The following ESPNL variants were observed in gnomAD, a reference collection of about 807,000 sequenced individuals.
ESPNL encodes the protein espin like, also known as espin-like protein.
A neutral mutation model predicts 46.8 loss-of-function variants in ESPNL; 49 were observed. The ratio of observed to expected loss-of-function variants is 1.05; its 90% confidence interval spans 0.83 to 1.33. The LOEUF (loss-of-function observed/expected upper bound fraction) is 1.33. Ranked by LOEUF, ESPNL falls within the 40% of genes most tolerant of loss-of-function variation. The pLI is 0.00. For synonymous variants in ESPNL, 664 were observed against 662.1 expected (o/e 1.00, Z -0.04); for missense variants, 1,540 against 1,436.6 (o/e 1.07, Z -1.16).
chr2:238,124,723 A>ATG (rs1230560946), intron 5 of ESPNL, among the ~76,000 whole-genome samples: 3 of 106,876 alleles, frequency 2.8e-5, no homozygotes, highest in African/African-American at 1.1e-4. Flanking sequence ...GAGTACGTGC[A>ATG]TGTGTGCAGG....
intron 5 of ESPNL, among the ~76,000 whole-genome samples, chr2:238,122,991 C>T (rs988447289): frequency 4.6e-5 from 7 of 152,246 alleles, no homozygotes; most frequent in Admixed American, 6.5e-5. Context: ...GGGTCCAAGA[C>T]GGAGGACCTT....
At chr2:238,120,793 C>T (rs1048824932) in intron 5 of ESPNL, among the ~76,000 whole-genome samples, 6 of 152,252 alleles carry the variant, frequency 3.9e-5, no homozygotes, top group Admixed American at 2.6e-4. Flanking sequence ...AGGCTGTCAG[C>T]TGTGGGCTGG....
At chr2:238,111,673 C>T (rs1691720783) in intron 4 of ESPNL, among the ~76,000 whole-genome samples, 1 of 152,218 alleles carries the variant, frequency 6.6e-6, no homozygotes, top group African/African-American at 2.4e-5. Context: ...TTTTCTTTCT[C>T]TAGTCATCTG....
intron 5 of ESPNL, among the ~76,000 whole-genome samples, chr2:238,117,571 C>T (rs1691844720): frequency 6.6e-6 from 1 of 152,240 alleles, no homozygotes; most frequent in South Asian, 2.1e-4. Context: ...AACAGCCCTG[C>T]AGCAGCCGGA....
At position 238,128,860 on chromosome 2, in the gene ESPNL, A is replaced by T; in HGVS notation, c.1369A>T (p.Lys457Ter). 6.5e-7 allele frequency: 1 copy of T among 1,547,412 alleles called. No individual in the cohort carries two copies. The highest frequency in any genetic ancestry group is 1.2e-5 in the South Asian group (1 of 83,994). ...PEWKRQVMVRKLQARLGAESS... is the reference protein window; with the variant it reads ...PEWKRQVMVR ...GTGGAAGCGGCAGGTGATGGTGCGGAAGCTGCAGGCGCGCCTGGGCGCAGA... is the reference window on the plus strand; with the variant it reads ...GTGGAAGCGGCAGGTGATGGTGCGGTAGCTGCAGGCGCGCCTGGGCGCAGA... The change falls in exon 8 of 9, where the codon AAG (lysine) becomes TAG (stop). Residue 457 changes from lysine (K) to a stop codon, truncating the protein, a stop_gained. Transcript: ENST00000343063. LOFTEE classifies it low-confidence loss of function (END_TRUNC).
chr2:238,105,122 T>C (rs907022422), intron 3 of ESPNL, among the ~76,000 whole-genome samples: 2 of 152,124 alleles, frequency 1.3e-5, no homozygotes, highest in Non-Finnish European at 2.9e-5. Context: ...CTGGTAGGCC[T>C]CCCAGGTGCT....
At position 238,114,534 on chromosome 2, in the gene ESPNL, C is replaced by A. The variant is rs561893554; in HGVS notation, c.856-2369C>A. ...GCTTCAGCGACCTGCCCCAGCCTCC[C>A]CAGCCCCGGTGTCCTTGCACATCTG... On this transcript the variant is annotated intron_variant, in intron 4 of 8. Transcript: ENST00000343063. The surrounding 1 kb of genome is among the most constrained non-coding windows in gnomAD (Gnocchi z 5.0). 2.0e-5 allele frequency among the ~76,000 whole-genome samples: 3 copies of A among 152,306 alleles called. No homozygotes were observed. Among genetic ancestry groups the A allele is most frequent in the African/African-American group, 7.2e-5 (3 of 41,580 alleles).
chr2:238,101,653 C>T (rs750022802), intron 1 of ESPNL, among the ~76,000 whole-genome samples: 2 of 152,200 alleles, frequency 1.3e-5, no homozygotes, highest in East Asian at 1.9e-4. Context: ...CACCCGACTG[C>T]GTGGGAAAGG....
chr2:238,126,895 G>A (rs1246279019), intron 6 of ESPNL, among the ~76,000 whole-genome samples: 3 of 137,690 alleles, frequency 2.2e-5, no homozygotes, highest in Non-Finnish European at 3.1e-5. Flanking sequence ...CTGTGTGATT[G>A]TGTGATTGTG....
chr2:238,110,854 T>A (rs1235899805), intron 4 of ESPNL, among the ~76,000 whole-genome samples: 3 of 152,154 alleles, frequency 2.0e-5, no homozygotes, highest in Non-Finnish European at 2.9e-5. Flanking sequence ...AAAAATAAAA[T>A]GTCAAAACAA....
intron 8 of ESPNL, chr2:238,129,194 C>G (rs919005301): frequency 7.4e-7 from 1 of 1,346,250 alleles, no homozygotes; most frequent in Non-Finnish European, 9.5e-7. Context: ...CCTTCCTGGG[C>G]GCAGCGTCTA....
chr2:238,105,512 CAAA>C (rs58809990), intron 3 of ESPNL, among the ~76,000 whole-genome samples: 102 of 97,960 alleles, frequency 1.0e-3, no homozygotes, highest in African/African-American at 3.0e-3. Flanking sequence ...GACTCTGTCT[CAAA>C]AAAAAAAAAA....
chr2:238,109,306 C>G (rs1691667409), intron 4 of ESPNL, among the ~76,000 whole-genome samples: 1 of 152,222 alleles, frequency 6.6e-6, no homozygotes, highest in African/African-American at 2.4e-5. Flanking sequence ...CAGCTGACTC[C>G]TCTGGCTCCT....
chr2:238,130,803 G>T lies in ESPNL; in HGVS notation c.2089G>T (p.Gly697Cys), dbSNP rs1486347183. The T allele has an allele frequency of 6.5e-7, 1 of 1,544,302 alleles. No homozygotes were observed. Among genetic ancestry groups the T allele is most frequent in the Admixed American group, 1.9e-5 (1 of 51,500 alleles). ...CWPALPKPRS[G>C]LASGEPRPGD... ...GCCAGCCCTGCCTAAGCCCCGCAGT[G>T]GCCTGGCTTCAGGGGAGCCCAGGCC... The change falls in exon 9 of 9, where the codon GGC becomes TGC. Residue 697 changes from glycine (G) to cysteine (C), a missense_variant. Physicochemically the swap from Gly to Cys is radical, Grantham distance 159. Coordinates refer to ENST00000343063, the MANE Select transcript of ESPNL (RefSeq NM_194312.4).
At chr2:238,100,919 A>C (rs1691454359) in intron 1 of ESPNL, among the ~76,000 whole-genome samples, 2 of 151,956 alleles carry the variant, frequency 1.3e-5, no homozygotes, top group South Asian at 4.2e-4. Context: ...CACCTCCTAA[A>C]TTTTCTTATC....
intron 6 of ESPNL, among the ~76,000 whole-genome samples, chr2:238,126,579 G>T (rs1388602389): frequency 2.2e-5 from 3 of 137,758 alleles, no homozygotes; most frequent in African/African-American, 8.9e-5. Flanking sequence ...GTGTGTGTCT[G>T]TGATTGTGTC....
chr2:238,103,161 G>T (rs1308302204), intron 2 of ESPNL, among the ~76,000 whole-genome samples: 1 of 152,218 alleles, frequency 6.6e-6, no homozygotes, highest in African/African-American at 2.4e-5. Flanking sequence ...AGTGGCTCAT[G>T]CCTGTAATCC....
Position 238,130,650 on chromosome 2 carries a change from C to T in ESPNL, c.1936C>T (p.Gln646Ter). ...PPRSEAQRQIQEWGVSVRTLR... is the reference protein window; with the variant it reads ...PPRSEAQRQI ...TCGGAGCGAGGCCCAGCGCCAGATCCAGGAGTGGGGGGTGTCTGTGCGGAC... is the reference window on the plus strand; with the variant it reads ...TCGGAGCGAGGCCCAGCGCCAGATCTAGGAGTGGGGGGTGTCTGTGCGGAC... Residue 646 changes from glutamine (Q) to a stop codon, truncating the protein, a stop_gained, in exon 9 of 9, where the codon CAG (glutamine) becomes TAG (stop). Coordinates refer to ENST00000343063, the MANE Select transcript of ESPNL (RefSeq NM_194312.4). LOFTEE classifies it low-confidence loss of function (END_TRUNC). The T allele has an allele frequency of 6.4e-7, 1 of 1,561,628 alleles. No homozygotes were observed. The highest frequency in any genetic ancestry group is 2.4e-5 in the East Asian group (1 of 42,076).
At chr2:238,102,867 T>C (rs1056494080) in intron 2 of ESPNL, among the ~76,000 whole-genome samples, 8 of 152,206 alleles carry the variant, frequency 5.3e-5, no homozygotes, top group African/African-American at 1.9e-4. Flanking sequence ...TCTTCTCTTT[T>C]CGAGGCAGCA....
Sources: gnomAD v4.1 joint callset for allele counts (sites outside exome capture counted in the v4.1 genomes callset) on GRCh38, gnomAD v4.1.1 for gene constraint, Gnocchi (gnomAD v3.1) non-coding constraint, MANE v1.5 for transcripts, NCBI Gene and HGNC (gene_info 2026-07-23, HGNC 2026-07-21) for gene names.